The following COL4A2 variants were observed in gnomAD, a reference collection of about 807,000 sequenced individuals.
COL4A2 encodes the protein collagen alpha-2(IV) chain.
Under a neutral mutation model 200.2 loss-of-function variants are expected in COL4A2, and 99 were observed. The ratio of observed to expected loss-of-function variants is 0.49; its 90% CI spans 0.42 to 0.58. The LOEUF (loss-of-function observed/expected upper bound fraction) is 0.58, where lower values mean the gene tolerates loss of function less well. Ranked by LOEUF, COL4A2 falls within the 20% of genes least tolerant of loss-of-function variation. COL4A2 has a pLI of 0.00. For missense variants in COL4A2, 1,950 were observed against 2,314.1 expected (o/e 0.84, Z 3.23); for synonymous variants, 897 against 900.6 (o/e 1.00, Z 0.07).
In COL4A2 at chr13:110,503,207, C is replaced by G. The variant is rs772058725; in HGVS notation, c.3964C>G (p.Pro1322Ala). ...AGGGAACCCAGGAGCTCCAGGAACCCCAGGGACCAAAGGATGGGCCGGGGA... is the reference window on the plus strand; with the variant it reads ...AGGGAACCCAGGAGCTCCAGGAACCGCAGGGACCAAAGGATGGGCCGGGGA... ...DTGNPGAPGTPGTKGWAGDSG... is the reference protein window; with the variant it reads ...DTGNPGAPGTAGTKGWAGDSG... Residue 1322 changes from proline (P) to alanine (A), a missense_variant, in exon 42 of 48, where the codon CCA (proline) becomes GCA (alanine). This residue lies in a region of COL4A2 where 1,385 missense variants were observed against 1,720.5 expected (regional missense o/e 0.80). Coordinates refer to ENST00000360467, the MANE Select transcript of COL4A2 (RefSeq NM_001846.4). 7.4e-6 allele frequency: 12 copies of G among 1,613,894 alleles called. No individual in the cohort carries two copies. The highest frequency in any genetic ancestry group is 1.1e-5 in the South Asian group (1 of 91,092).
At chr13:110,492,240 G>C in intron 38 of COL4A2, 63 bp downstream of exon 38, 1 of 1,404,306 alleles carries the variant, frequency 7.1e-7, no homozygotes. Context: ...AGGAGGCACC[G>C]CTGAGCAGGC....
intron 3 of COL4A2, among the ~76,000 whole-genome samples, chr13:110,342,974 C>T (rs1876526774): frequency 1.3e-5 from 2 of 152,144 alleles, no homozygotes; most frequent in African/African-American, 4.8e-5. Flanking sequence ...GAGCTGGCTC[C>T]TAAAATTTCA....
At chr13:110,438,155 CT>C in intron 14 of COL4A2, 118 bp downstream of exon 14, 1 of 762,848 alleles carries the variant, frequency 1.3e-6, no homozygotes. Context: ...CTCTCATCCC[CT>C]TGTCCATAGC....
At chr13:110,446,979 G>C in intron 18 of COL4A2, 115 bp downstream of exon 18, 1 of 666,244 alleles carries the variant, frequency 1.5e-6, no homozygotes. Flanking sequence ...AAAACTTAAA[G>C]TATAATAATA....
chr13:110,335,390 C>T (rs7999686), intron 3 of COL4A2, among the ~76,000 whole-genome samples: 85,470 of 151,894 alleles, frequency 0.56, 24,683 homozygotes, highest in African/African-American at 0.7. Flanking sequence ...ACTATTCTTG[C>T]GGTAGAGTAA....
rs1330542111 is a variant in COL4A2, at chr13:110,491,235, C to G, written c.3349C>G (p.Leu1117Val). ...AAGCAGCATGTCTGTGGTTGCAGGT[C>G]TGAAGGGATTCTTTGGAGAGAAGGG... ...GERGTTGIPG[L>V]KGFFGEKGTE... Residue 1117 changes from leucine (L) to valine (V), a missense_variant and splice_region_variant, in exon 37 of 48, where the codon CTG (leucine) becomes GTG (valine). By Grantham distance (32) the Leu-to-Val change is conservative (BLOSUM62 1). This residue lies in a region of COL4A2 where 1,385 missense variants were observed against 1,720.5 expected (regional missense o/e 0.80). Coordinates refer to ENST00000360467, the MANE Select transcript of COL4A2 (RefSeq NM_001846.4). The G allele has an allele frequency of 4.4e-6, 7 of 1,591,640 alleles. No homozygotes were observed. The Admixed American group carries it at 1.2e-4, about 28-fold the overall frequency.
chr13:110,385,570 C>T (rs77010679), intron 4 of COL4A2, among the ~76,000 whole-genome samples: 1,253 of 6,404 alleles, frequency 0.2, 71 homozygotes, highest in East Asian at 0.34. Flanking sequence ...TAGACCGTGG[C>T]TGCAGTGTGT....
chr13:110,456,745 G>A, intron 20 of COL4A2: 3 of 474,652 alleles, frequency 6.3e-6, no homozygotes, highest in South Asian at 4.6e-5. Flanking sequence ...GTGTCTGGGG[G>A]GACCCTGGGC....
Position 110,446,859 on chromosome 13 carries a change from C to A in COL4A2, c.1073C>A (p.Ala358Glu), listed in dbSNP as rs1265517785. Reference protein sequence around the residue: ...LPAYSPHPSLAKGARGDPGFP... With the variant: ...LPAYSPHPSLEKGARGDPGFP... ...GCCTACTCCCCTCACCCTTCCCTAG[C>A]AAAAGGTGTGTGAACAATTTCACCT... The change falls in exon 18 of 48, where the codon GCA becomes GAA. Residue 358 changes from alanine (A) to glutamate (E), a missense_variant. By Grantham distance (107) the Ala-to-Glu change is moderately radical. Around this residue, in one of 2 missense-constraint regions of COL4A2, gnomAD observed 565 missense variants for 593.5 expected, o/e 0.95. Coordinates refer to ENST00000360467, the MANE Select transcript of COL4A2 (RefSeq NM_001846.4). The A allele has an allele frequency of 2.5e-6, 4 of 1,611,416 alleles. No homozygotes were observed. In the Admixed American group the frequency reaches 6.7e-5, roughly 27 times the overall value.
At chr13:110,506,355 TC>T (rs1883873738) in intron 45 of COL4A2, 59 bp from the exon 46 acceptor site, 3 of 1,531,864 alleles carry the variant, frequency 2.0e-6, no homozygotes, top group Non-Finnish European at 2.7e-6. Flanking sequence ...GTCCACTCTC[TC>T]TCTTTCTCGG....
chr13:110,478,365 T>G (rs2139519625), intron 30 of COL4A2, among the ~76,000 whole-genome samples: 1 of 152,266 alleles, frequency 6.6e-6, no homozygotes, highest in South Asian at 2.1e-4. Flanking sequence ...CTGTACCTGT[T>G]GTATATATTA....
intron 3 of COL4A2, among the ~76,000 whole-genome samples, chr13:110,322,840 T>C (rs1186749487): frequency 6.6e-6 from 1 of 152,206 alleles, no homozygotes; most frequent in African/African-American, 2.4e-5. Flanking sequence ...ATCAGTGTGT[T>C]ATTTAACTCT....
chr13:110,384,156 T>C (rs1371469202), intron 4 of COL4A2, among the ~76,000 whole-genome samples: 1 of 152,200 alleles, frequency 6.6e-6, no homozygotes, highest in Non-Finnish European at 1.5e-5. Context: ...GAAAATTAAA[T>C]ACCAAAGCCA....
At chr13:110,430,041 C>A in intron 8 of COL4A2, 85 bp downstream of exon 8, 1 of 1,363,264 alleles carries the variant, frequency 7.3e-7, no homozygotes, top group South Asian at 1.5e-5. Flanking sequence ...GTGAACTTTG[C>A]ATGTAAGAAT....
intron 6 of COL4A2, among the ~76,000 whole-genome samples, chr13:110,428,001 C>T (rs1880532408): frequency 6.6e-6 from 1 of 152,160 alleles, no homozygotes; most frequent in African/African-American, 2.4e-5. Context: ...TAAGGACCTC[C>T]CTGTTTTCCC....
intron 25 of COL4A2, 122 bp downstream of exon 25, chr13:110,465,728 C>T: frequency 1.0e-6 from 1 of 982,674 alleles, no homozygotes; most frequent in Non-Finnish European, 1.5e-6. Context: ...TCTGTTCTCG[C>T]ACGTACAAGG....
At chr13:110,403,308 A>C (rs1276691703) in intron 4 of COL4A2, among the ~76,000 whole-genome samples, 1 of 152,156 alleles carries the variant, frequency 6.6e-6, no homozygotes, top group African/African-American at 2.4e-5. Context: ...CTCTGTTTAC[A>C]CTTTACTATA....
intron 4 of COL4A2, among the ~76,000 whole-genome samples, chr13:110,368,712 A>G (rs1877862393): frequency 6.6e-6 from 1 of 152,152 alleles, no homozygotes; most frequent in African/African-American, 2.4e-5. Flanking sequence ...GTTTCACTGC[A>G]GAAAGCCAGT....
At chr13:110,389,511 G>T (rs1878903282) in intron 4 of COL4A2, among the ~76,000 whole-genome samples, 1 of 152,196 alleles carries the variant, frequency 6.6e-6, no homozygotes, top group Non-Finnish European at 1.5e-5. Context: ...GCTTGATGTG[G>T]TCAGCATTGC....
Sources: gnomAD v4.1 joint callset for allele counts (sites outside exome capture counted in the v4.1 genomes callset) on GRCh38, gnomAD v4.1.1 for gene constraint, gnomAD v4.1.1 regional missense constraint, MANE v1.5 for transcripts, NCBI Gene and HGNC (gene_info 2026-07-23, HGNC 2026-07-21) for gene names.